The following FARP2 variants were observed in gnomAD, a reference collection of about 807,000 sequenced individuals.
The protein encoded by FARP2 is FERM, ARHGEF and pleckstrin domain-containing protein 2.
FARP2 carries 111 observed loss-of-function variants against 130.5 expected under a neutral mutation model. That is an observed-to-expected ratio of 0.85 (90% CI 0.73 to 1.00). The LOEUF (loss-of-function observed/expected upper bound fraction) is 1.00, where lower values mean the gene tolerates loss of function less well. Among genes scored for constraint, FARP2 ranks in the 50% least tolerant of loss-of-function variants. The probability of loss-of-function intolerance (pLI) is 0.00; values close to 1 mark genes in which losing one functional copy is unlikely to be tolerated. For synonymous variants in FARP2, 504 were observed against 516.9 expected (o/e 0.98, Z 0.34); for missense variants, 1,385 against 1,346.3 (o/e 1.03, Z -0.45).
Position 241,462,542 on chromosome 2 carries a change from C to T in FARP2, c.1607C>T (p.Ala536Val), listed in dbSNP as rs1559794891. Residue 536 changes from alanine to valine, a missense_variant, in exon 15 of 27, where the codon GCC becomes GTC. Ala to Val is a moderately conservative substitution (Grantham distance 64, BLOSUM62 0). Transcript: ENST00000264042. The stretch of plus-strand genomic sequence containing the variant: ...TTTCAGCGCGTGCCTGCAGACGAGG[C>T]CTACTTCATAGTCAAAGAGATTCTC... ...PRHKRVPADEAYFIVKEILAT... is the reference protein window; with the variant it reads ...PRHKRVPADEVYFIVKEILAT... 8 of 1,613,790 alleles carry T rather than the reference C, an allele frequency of 5.0e-6. No individual in the cohort carries two copies. Among genetic ancestry groups the T allele is most frequent in the Non-Finnish European group, 6.8e-6 (8 of 1,179,676 alleles).
chr2:241,440,556 T>A (rs911847129), intron 12 of FARP2, among the ~76,000 whole-genome samples: 2 of 152,148 alleles, frequency 1.3e-5, no homozygotes, highest in Non-Finnish European at 2.9e-5. Context: ...AGGTCTCTTG[T>A]GCCACTCCCA....
intron 1 of FARP2, among the ~76,000 whole-genome samples, chr2:241,358,188 CAAAAAAAT>C (rs2061109479): frequency 6.6e-6 from 1 of 150,784 alleles, no homozygotes; most frequent in African/African-American, 2.4e-5. Context: ...GACTCTGTCT[CAAAAAAAT>C]AAAAAAATAA....
chr2:241,402,608 C>G (rs2062197528), intron 2 of FARP2, among the ~76,000 whole-genome samples: 1 of 151,634 alleles, frequency 6.6e-6, no homozygotes, highest in Non-Finnish European at 1.5e-5. Context: ...TGATTCTGGT[C>G]TTTAGGTCCA....
chr2:241,455,225 G>A (rs567428539), intron 13 of FARP2, among the ~76,000 whole-genome samples: 43 of 152,336 alleles, frequency 2.8e-4, no homozygotes, highest in African/African-American at 9.9e-4. Flanking sequence ...GGTGGAGTAA[G>A]GAGTCACCAT....
intron 2 of FARP2, among the ~76,000 whole-genome samples, chr2:241,373,948 A>G (rs538687885): frequency 4.6e-5 from 7 of 152,228 alleles, no homozygotes; most frequent in Admixed American, 1.3e-4. Flanking sequence ...CATGTGATGT[A>G]TTAGAAAACA....
rs373745557 is a variant in FARP2 at position 241,366,733 on chromosome 2, C to T, written c.-24-6351C>T. Among the ~76,000 whole-genome samples the T allele has an allele frequency of 1.3e-4, 20 of 152,214 alleles. No individual in the cohort carries two copies. In the East Asian group the frequency reaches 3.7e-3, roughly 28 times the overall value. On this transcript the variant is annotated intron_variant, in intron 1 of 26. Transcript: ENST00000264042. ...CACATTTTCTTTCCATTTGTTCTCA[C>T]ATTGAGCTGCCTTATCACAGAATCA...
intron 6 of FARP2, 88 bp from the exon 7 acceptor site, chr2:241,413,218 AT>A (rs141753202): frequency 1.1e-3 from 758 of 712,718 alleles, no homozygotes; most frequent in African/African-American, 4.0e-3. Context: ...ATTTGGGATA[AT>A]TTTTTTTTAC....
chr2:241,371,006 G>A (rs545685149), intron 1 of FARP2, among the ~76,000 whole-genome samples: 3 of 152,248 alleles, frequency 2.0e-5, no homozygotes, highest in Admixed American at 6.5e-5. Flanking sequence ...CTGCCTTGTT[G>A]TTTTGTTCAT....
intron 18 of FARP2, chr2:241,471,190 G>A (rs1052508521): frequency 2.6e-5 from 4 of 152,224 alleles, no homozygotes; most frequent in African/African-American, 9.7e-5. Flanking sequence ...GTTCTTCTGA[G>A]GGGACCCTGT....
chr2:241,373,129 TAC>T lies in FARP2; in HGVS notation c.24_25del (p.Tyr8Ter), dbSNP rs1349080453. The stretch of plus-strand genomic sequence containing the variant: ...AAGAATGGGGGAGATAGAAGGAACA[TAC>T]AGAGTCCTGCAGACTGCAGGGATGC... MGEIEGT[Y>X]RVLQTAGMRL... On this transcript the variant is annotated frameshift_variant, in exon 2 of 27. Transcript: ENST00000264042. LOFTEE classifies it high-confidence loss of function. 1.4e-6 allele frequency: 2 copies of T among 1,406,410 alleles called. No individual in the cohort carries two copies. The highest frequency in any genetic ancestry group is 3.0e-5 in the African/African-American group (2 of 67,150). 87.1% of individuals were successfully genotyped at this position (1,406,410 alleles called of 1,614,324 possible).
chr2:241,491,716 A>G (rs776800587), intron 24 of FARP2, 37 bp downstream of exon 24: 1 of 1,554,320 alleles, frequency 6.4e-7, no homozygotes, highest in East Asian at 2.3e-5. Context: ...TGCATCTGGA[A>G]TGTTCCCAGC....
intron 1 of FARP2, 35 bp from the exon 2 acceptor site, chr2:241,373,049 A>C: frequency 3.5e-6 from 4 of 1,157,342 alleles, no homozygotes; most frequent in Non-Finnish European, 4.6e-6. Context: ...TAATGTGATA[A>C]TTCCTTCATG....
chr2:241,367,033 A>G (rs1426695714), intron 1 of FARP2, among the ~76,000 whole-genome samples: 1 of 152,046 alleles, frequency 6.6e-6, no homozygotes, highest in East Asian at 1.9e-4. Flanking sequence ...TTCCATCAGC[A>G]GAGTTCTTGA....
chr2:241,398,233 T>C (rs192183031), intron 2 of FARP2, among the ~76,000 whole-genome samples: 4 of 152,196 alleles, frequency 2.6e-5, no homozygotes, highest in Admixed American at 6.5e-5. Flanking sequence ...TATACACTTA[T>C]GTATCCCCAC....
chr2:241,406,264 C>G (rs538464668), intron 4 of FARP2, among the ~76,000 whole-genome samples: 1 of 151,818 alleles, frequency 6.6e-6, no homozygotes, highest in African/African-American at 2.4e-5. Flanking sequence ...GCCGAGATCA[C>G]GTCACTGCAC....
rs546364065 is a variant in FARP2, at chr2:241,416,888, G to A, written c.624-1074G>A. Among the ~76,000 whole-genome samples the A allele has an allele frequency of 9.3e-5, 14 of 151,300 alleles. No individual in the cohort carries two copies. The East Asian group carries it at 2.2e-3, about 24-fold the overall frequency. On this transcript the variant is annotated intron_variant, in intron 7 of 26. Transcript: ENST00000264042. The stretch of plus-strand genomic sequence containing the variant: ...TATGCCACTACACTCCAGCCTGGGC[G>A]ACAGAGTGAGACCCTGTCTCTAAAC...
chr2:241,456,695 C>T, intron 13 of FARP2, 52 bp from the exon 14 acceptor site: 2 of 1,594,366 alleles, frequency 1.3e-6, no homozygotes, highest in Non-Finnish European at 1.7e-6. Context: ...CTAAGCCAGC[C>T]TCACAGCCCT....
intron 7 of FARP2, among the ~76,000 whole-genome samples, chr2:241,416,274 G>A (rs1025624002): frequency 3.9e-5 from 6 of 152,024 alleles, no homozygotes; most frequent in Non-Finnish European, 8.8e-5. Flanking sequence ...CTAGAAAGCC[G>A]GTACGAGAAG....
At chr2:241,461,931 CTG>C (rs1166534486) in intron 14 of FARP2, among the ~76,000 whole-genome samples, 1 of 152,250 alleles carries the variant, frequency 6.6e-6, no homozygotes, top group Non-Finnish European at 1.5e-5. Context: ...GCCAGGAACA[CTG>C]TGTTGGGTGA....
Sources: gnomAD v4.1 joint callset for allele counts (sites outside exome capture counted in the v4.1 genomes callset) on GRCh38, gnomAD v4.1.1 for gene constraint, MANE v1.5 for transcripts, NCBI Gene and HGNC (gene_info 2026-07-23, HGNC 2026-07-21) for gene names.